FLT3LG: variants seen among roughly 807,000 people sequenced by gnomAD.
FLT3LG encodes the protein fms-related tyrosine kinase 3 ligand.
FLT3LG carries 8 observed loss-of-function variants against 30.9 expected under a neutral mutation model. The ratio of observed to expected loss-of-function variants is 0.26; its 90% CI spans 0.15 to 0.47. The LOEUF is 0.47. Among genes scored for constraint, FLT3LG ranks in the 20% least tolerant of loss-of-function variants. FLT3LG has a pLI of 0.99. For missense variants in FLT3LG, 278 were observed against 306.2 expected, an observed-to-expected ratio of 0.91 and a Z score of 0.69; for synonymous variants, 123 against 135.9, an observed-to-expected ratio of 0.91 and a Z score of 0.66.
chr19:49,482,443 C>G (rs1351414526), intron 8 of FLT3LG: 1 of 151,612 alleles, frequency 6.6e-6, no homozygotes, highest in African/African-American at 2.4e-5. Context: ...TGTCTTGATC[C>G]AGCATCTGTG....
chr19:49,481,031 CAAA>C (rs57522107), intron 8 of FLT3LG: 7 of 88,318 alleles, frequency 7.9e-5, no homozygotes, highest in Admixed American at 1.2e-4. Context: ...GACTCCGTCT[CAAA>C]AAAAAAAAAA....
chr19:49,483,214 C>T (rs1311435981), intron 8 of FLT3LG, among the ~76,000 whole-genome samples: 1 of 151,982 alleles, frequency 6.6e-6, no homozygotes, highest in African/African-American at 2.4e-5. Context: ...CAACCTCGGA[C>T]TCCCTGGTTC....
intron 2 of FLT3LG, among the ~76,000 whole-genome samples, chr19:49,475,409 T>G: frequency 7.7e-6 from 1 of 129,834 alleles, no homozygotes; most frequent in Non-Finnish European, 1.6e-5. Context: ...AAACCAGACG[T>G]GAAGATGAGG....
At chr19:49,482,838 A>G (rs2079660563) in intron 8 of FLT3LG, among the ~76,000 whole-genome samples, 1 of 151,830 alleles carries the variant, frequency 6.6e-6, no homozygotes, top group Non-Finnish European at 1.5e-5. Context: ...CATGTTGGTC[A>G]GGCTGGTCTC....
In FLT3LG at chr19:49,475,735, G is replaced by T. The variant is rs2079370295; in HGVS notation, c.78G>T (p.Gly26=). 2 of 1,611,412 alleles carry T rather than the reference G, an allele frequency of 1.2e-6. No homozygotes were observed. Among genetic ancestry groups the T allele is most frequent in the Non-Finnish European group, 1.7e-6 (2 of 1,179,902 alleles). Residue 26 remains glycine, a synonymous_variant, in exon 3 of 9, where the codon GGG becomes GGT. Coordinates refer to ENST00000597551, the MANE Select transcript of FLT3LG (RefSeq NM_001459.4). ...LLLLLSSGLS[G]TQDCSFQHSP... ...TGCTGCTGAGCTCGGGACTCAGTGG[G>T]ACCCAGGACTGCTCCTTCCAACACA...
intron 8 of FLT3LG, among the ~76,000 whole-genome samples, chr19:49,485,312 C>T (rs533302157): frequency 6.8e-6 from 1 of 146,840 alleles, no homozygotes; most frequent in Non-Finnish European, 1.5e-5. Context: ...TGCAATGGCA[C>T]GATCTTGGCT....
rs758247403 is a variant in FLT3LG, at chr19:49,479,056, T to C, written c.481+9T>C. ...GCTGCAGTGTCAGCCCGGTAAAGGC[T>C]TCCAGGCACCCCCACTCCTTCCCCT... is the stretch of plus-strand genomic sequence containing the variant. On this transcript the variant is annotated intron_variant, in intron 6 of 8. Transcript: ENST00000597551. 1.9e-6 allele frequency: 3 copies of C among 1,603,682 alleles called. No individual in the cohort carries two copies. Among genetic ancestry groups the C allele is most frequent in the Non-Finnish European group, 2.6e-6 (3 of 1,175,082 alleles).
chr19:49,476,416 C>T lies in FLT3LG; in HGVS notation c.199-7C>T. The T allele has an allele frequency of 6.2e-7, 1 of 1,611,334 alleles. No individual in the cohort carries two copies. The highest frequency in any genetic ancestry group is 2.2e-5 in the East Asian group (1 of 44,828). On this transcript the variant is annotated splice_polypyrimidine_tract_variant and splice_region_variant and intron_variant, in intron 4 of 8. Coordinates refer to ENST00000597551, the MANE Select transcript of FLT3LG (RefSeq NM_001459.4). This position sits in a 1 kb window ranked among gnomAD's most constrained non-coding sequence, Gnocchi z 5.3. ...CCTCCCTCAGACCCGTGGGTTCTCC[C>T]CTCTAGGAGGAGCTCTGCGGGGGCC...
At position 49,476,339 on chromosome 19, in the gene FLT3LG, G is replaced by C. The variant is rs568265175; in HGVS notation, c.199-84G>C. 6.6e-7 allele frequency: 1 copy of C among 1,511,308 alleles called. No homozygotes were observed. Among genetic ancestry groups the C allele is most frequent in the Non-Finnish European group, 9.1e-7 (1 of 1,099,486 alleles). The allele number at this position is 1,511,308 out of a possible 1,614,324, so 93.6% of individuals were successfully genotyped here. On this transcript the variant is annotated intron_variant, in intron 4 of 8. Transcript: ENST00000597551. The surrounding 1 kb of genome is among the most constrained non-coding windows in gnomAD (Gnocchi z 5.3). Reference sequence around the variant, plus strand: ...TCAGCCCCTCCTCCCTCAGACCCAGGAGCCCCGGCCCAGCCCCTCCTCCCT... The same window carrying C: ...TCAGCCCCTCCTCCCTCAGACCCAGCAGCCCCGGCCCAGCCCCTCCTCCCT...
At chr19:49,475,824 C>G in intron 3 of FLT3LG, 23 bp downstream of exon 3, 1 of 1,605,802 alleles carries the variant, frequency 6.2e-7, no homozygotes, top group South Asian at 1.1e-5. Flanking sequence ...GCCCCGGACC[C>G]CCTCATGTGA....
chr19:49,474,427 G>A, intron 1 of FLT3LG, 146 bp downstream of exon 1: 3 of 613,722 alleles, frequency 4.9e-6, no homozygotes, highest in Non-Finnish European at 5.9e-6. Flanking sequence ...GAGGTTCTTA[G>A]AAGTGGAGAT....
chr19:49,484,522 A>G lies in FLT3LG; in HGVS notation c.*22-1493A>G, dbSNP rs571300342. On this transcript the variant is annotated intron_variant, in intron 8 of 8. Transcript: ENST00000597551. ...GTTGTTGTTGTTGTTTTTGAGACGGAGTCTCACTCTATTGCCCAGGCTGGA... is the reference window on the plus strand; with the variant it reads ...GTTGTTGTTGTTGTTTTTGAGACGGGGTCTCACTCTATTGCCCAGGCTGGA... Among the ~76,000 whole-genome samples, 121 of 150,466 alleles carry G rather than the reference A, an allele frequency of 8.0e-4. 1 individual carries two copies. Among genetic ancestry groups the G allele is most frequent in the African/African-American group, 2.7e-3 (110 of 40,978 alleles).
Position 49,476,025 on chromosome 19 carries a change from C to A in FLT3LG, c.145-120C>A. On this transcript the variant is annotated intron_variant, in intron 3 of 8. Coordinates refer to ENST00000597551, the MANE Select transcript of FLT3LG (RefSeq NM_001459.4). This position sits in a 1 kb window ranked among gnomAD's most constrained non-coding sequence, Gnocchi z 5.3. ...TAAGGGCAAGGTTCTGTGGCTTCTT[C>A]TGGGCTCCCCCTCTCTTGGTCTTGT... 1.7e-6 allele frequency: 2 copies of A among 1,208,060 alleles called. No homozygotes were observed. The highest frequency in any genetic ancestry group is 1.2e-6 in the Non-Finnish European group (1 of 818,460). 74.8% of individuals were successfully genotyped at this position (1,208,060 alleles called of 1,614,324 possible).
intron 6 of FLT3LG, 109 bp from the exon 7 acceptor site, chr19:49,480,189 G>A: frequency 1.4e-6 from 1 of 729,336 alleles, no homozygotes; most frequent in Non-Finnish European, 2.3e-6. Flanking sequence ...GAGGCACAGA[G>A]AGGCCAAGCA....
chr19:49,478,878 TG>T (rs1208929844), intron 5 of FLT3LG, 30 bp from the exon 6 acceptor site: 8 of 1,482,096 alleles, frequency 5.4e-6, no homozygotes, highest in African/African-American at 2.8e-5. Flanking sequence ...GGGGATGACG[TG>T]GTGGTGACGT....
intron 6 of FLT3LG, chr19:49,479,668 A>ATTTT: frequency 1.6e-5 from 3 of 192,260 alleles, no homozygotes; most frequent in South Asian, 1.5e-4. Flanking sequence ...CACGCGGCTA[A>ATTTT]TTTTTTTTTT....
intron 8 of FLT3LG, chr19:49,481,859 T>C (rs1329984209): frequency 1.3e-5 from 2 of 151,404 alleles, no homozygotes; most frequent in African/African-American, 4.9e-5. Context: ...GCCTGGCTAA[T>C]TTTTTGTATT....
rs2079386137 is a variant in FLT3LG at position 49,476,154 on chromosome 19, C to T, written c.154C>T (p.Leu52=). 1 of 1,613,800 alleles carries T rather than the reference C, an allele frequency of 6.2e-7. No homozygotes were observed. The highest frequency in any genetic ancestry group is 1.7e-5 in the Admixed American group (1 of 59,988). Residue 52 remains leucine (L), a synonymous_variant, in exon 4 of 9, where the codon CTG becomes TTG. Transcript: ENST00000597551. This position sits in a 1 kb window ranked among gnomAD's most constrained non-coding sequence, Gnocchi z 5.3. The part of the protein sequence containing the change: ...AVKIRELSDY[L]LQDYPVTVAS... ...CTGTTTTCTCCCGCAGTCTGACTAC[C>T]TGCTTCAAGATTACCCAGTCACCGT...
At chr19:49,475,297 C>A (rs2079352137) in intron 2 of FLT3LG, among the ~76,000 whole-genome samples, 1 of 150,790 alleles carries the variant, frequency 6.6e-6, no homozygotes, top group Non-Finnish European at 1.5e-5. Flanking sequence ...TGGACAGAGC[C>A]AAGAACAAAT....
Sources: allele counts gnomAD v4.1 joint callset (sites outside exome capture counted in the v4.1 genomes callset), GRCh38; gene constraint gnomAD v4.1.1; non-coding constraint Gnocchi (gnomAD v3.1); transcripts MANE v1.5; gene names NCBI Gene and HGNC (gene_info 2026-07-23, HGNC 2026-07-21).